COX19: variants seen among roughly 807,000 people sequenced by gnomAD.
The protein encoded by COX19 is cytochrome c oxidase assembly protein COX19.
COX19 carries 8 observed loss-of-function variants against 6.8 expected under a neutral mutation model. The ratio of observed to expected loss-of-function variants is 1.18; its 90% CI spans 0.69 to 2.12. COX19 has a LOEUF of 2.12. COX19 is among the 30% of genes most tolerant of loss of function. The probability of loss-of-function intolerance (pLI) is 0.00; values close to 1 mark genes in which losing one functional copy is unlikely to be tolerated. For missense variants in COX19, 131 were observed against 104.6 expected, an observed-to-expected ratio of 1.25 and a Z score of -1.10; for synonymous variants, 51 against 38.0, an observed-to-expected ratio of 1.34 and a Z score of -1.26.
rs1316307758 is a variant in COX19, at chr7:965,150, C to T, written c.*4228G>A. On this transcript the variant is annotated 3_prime_UTR_variant, in exon 3 of 3. Coordinates refer to ENST00000344111, the MANE Select transcript of COX19 (RefSeq NM_001031617.3). ...TGTGACCTGCTGAAACCATTCATGCCGGCATCATGCCTATTGGAAACTCTT... is the reference window on the plus strand; with the variant it reads ...TGTGACCTGCTGAAACCATTCATGCTGGCATCATGCCTATTGGAAACTCTT... Among the ~76,000 whole-genome samples the T allele has an allele frequency of 7.9e-5, 12 of 152,090 alleles. No homozygotes were observed. The highest frequency in any genetic ancestry group is 1.6e-4 in the Non-Finnish European group (11 of 68,040).
In COX19 at chr7:968,600, T is replaced by C. The variant is rs1208460704; in HGVS notation, c.*778A>G. 2 of 152,208 alleles carry C rather than the reference T, an allele frequency of 1.3e-5. No homozygotes were observed. Among genetic ancestry groups the C allele is most frequent in the African/African-American group, 4.8e-5 (2 of 41,446 alleles). The allele number at this position is 152,208 out of a possible 1,614,324, so 9.4% of individuals were successfully genotyped here. ...GGGTTTCCGTGACCCACAGGCAACT[T>C]TGGCACAGACGGGCTGAGAACTCCG... is the stretch of plus-strand genomic sequence containing the variant. On this transcript the variant is annotated 3_prime_UTR_variant, in exon 3 of 3. Coordinates refer to ENST00000344111, the MANE Select transcript of COX19 (RefSeq NM_001031617.3).
chr7:974,325 G>A lies in COX19; in HGVS notation c.83-1033C>T, dbSNP rs147495681. ...TAGTCCCAGCTACTCTAGAGGATGA[G>A]ACGGGAGACTCCCCTGAGTCCAGAA... On this transcript the variant is annotated intron_variant, in intron 1 of 2. Transcript: ENST00000344111. 1.9e-3 allele frequency among the ~76,000 whole-genome samples: 284 copies of A among 151,690 alleles called. 1 individual carries two copies. Among genetic ancestry groups the A allele is most frequent in the African/African-American group, 6.3e-3 (262 of 41,280 alleles).
At chr7:973,014 A>G (rs780527500) in intron 2 of COX19, 167 bp downstream of exon 2, 29 of 407,900 alleles carry the variant, frequency 7.1e-5, no homozygotes, top group Non-Finnish European at 1.2e-4. Flanking sequence ...TTTTGGTACA[A>G]TTTCATCTGA....
intron 2 of COX19, 24 bp from the exon 3 acceptor site, chr7:969,480 C>T: frequency 6.6e-7 from 1 of 1,518,062 alleles, no homozygotes; most frequent in Non-Finnish European, 9.1e-7. Context: ...AGAAAGCTGT[C>T]AGGGCGGGAG....
chr7:969,941 C>T (rs572812791), intron 2 of COX19, among the ~76,000 whole-genome samples: 10 of 149,418 alleles, frequency 6.7e-5, no homozygotes, highest in Non-Finnish European at 1.5e-4. Flanking sequence ...AGACTCAGGT[C>T]GACAGTTATC....
chr7:973,703 C>T (rs973729128), intron 1 of COX19, among the ~76,000 whole-genome samples: 3 of 150,190 alleles, frequency 2.0e-5, no homozygotes, highest in Admixed American at 6.6e-5. Context: ...CGGTGGCTCA[C>T]GCCTGTAATC....
At chr7:971,160 G>C (rs983101241) in intron 2 of COX19, among the ~76,000 whole-genome samples, 2 of 152,202 alleles carry the variant, frequency 1.3e-5, no homozygotes, top group Non-Finnish European at 2.9e-5. Context: ...GTGTCTGTGT[G>C]ACACCCGGTG....
chr7:969,643 T>A (rs1474990774), intron 2 of COX19, among the ~76,000 whole-genome samples, 187 bp from the exon 3 acceptor site: 1 of 151,920 alleles, frequency 6.6e-6, no homozygotes, highest in Non-Finnish European at 1.5e-5. Flanking sequence ...AACAGGACAA[T>A]GAGGACATGA....
In COX19 at chr7:969,350, C is replaced by T. The variant is rs376965711; in HGVS notation, c.*28G>A. On this transcript the variant is annotated 3_prime_UTR_variant, in exon 3 of 3. Transcript: ENST00000344111. ...CCCTCCGTCCTGAGAGACCACTGAA[C>T]ACGGCCCAGGGGTCTTCTCATCAAA... The T allele has an allele frequency of 7.3e-5, 107 of 1,460,110 alleles. No individual in the cohort carries two copies. Among genetic ancestry groups the T allele is most frequent in the Non-Finnish European group, 9.8e-5 (102 of 1,040,110 alleles). 90.4% of individuals were successfully genotyped at this position (1,460,110 alleles called of 1,614,324 possible). A position where few individuals can be genotyped will look rare whatever the true frequency, so the allele number is the denominator to read the frequency against.
intron 2 of COX19, 187 bp downstream of exon 2, chr7:972,994 G>A: frequency 2.6e-6 from 1 of 380,040 alleles, no homozygotes; most frequent in Admixed American, 4.6e-5. Context: ...TCCCAAGATT[G>A]TGAAACAGCT....
In COX19 at chr7:975,526, T is replaced by C; in HGVS notation, c.-17A>G. On this transcript the variant is annotated 5_prime_UTR_variant, in exon 1 of 3. Coordinates refer to ENST00000344111, the MANE Select transcript of COX19 (RefSeq NM_001031617.3). ...GGTCGACATGTTGGCGACTCCGGAGTCTGCGAGCGCCTTGCGAGCGTACGC... is the reference window on the plus strand; with the variant it reads ...GGTCGACATGTTGGCGACTCCGGAGCCTGCGAGCGCCTTGCGAGCGTACGC... 6.3e-7 allele frequency: 1 copy of C among 1,596,124 alleles called. No homozygotes were observed. The highest frequency in any genetic ancestry group is 1.1e-5 in the South Asian group (1 of 89,024).
chr7:971,154 C>G (rs1847629666), intron 2 of COX19, among the ~76,000 whole-genome samples: 1 of 152,330 alleles, frequency 6.6e-6, no homozygotes, highest in South Asian at 2.1e-4. Flanking sequence ...ACCAGCGTGT[C>G]TGTGTGACAC....
chr7:970,995 T>A (rs1847626802), intron 2 of COX19, among the ~76,000 whole-genome samples: 1 of 152,154 alleles, frequency 6.6e-6, no homozygotes, highest in Admixed American at 6.5e-5. Flanking sequence ...TCATGTGAAC[T>A]CACACATGGT....
chr7:967,838 T>C lies in COX19; in HGVS notation c.*1540A>G, dbSNP rs1033121012. On this transcript the variant is annotated 3_prime_UTR_variant, in exon 3 of 3. Transcript: ENST00000344111. ...TCCACTTCACAGTAAGCTCACGCCA[T>C]ATAGCCGCACTGCGTTGGCGAGCTC... 6.6e-6 allele frequency: 1 copy of C among 152,306 alleles called. No individual in the cohort carries two copies. The highest frequency in any genetic ancestry group is 1.5e-5 in the Non-Finnish European group (1 of 68,058). 9.4% of individuals were successfully genotyped at this position (152,306 alleles called of 1,614,324 possible).
At chr7:975,245 C>G (rs1847688744) in intron 1 of COX19, 183 bp downstream of exon 1, 1 of 474,718 alleles carries the variant, frequency 2.1e-6, no homozygotes, top group Non-Finnish European at 3.7e-6. Flanking sequence ...CCTGCCAGCT[C>G]CCACCTGCAG....
In COX19 at chr7:965,682, C is replaced by T. The variant is rs1490443717; in HGVS notation, c.*3696G>A. ...TTTTTTTTTGAGACGGTTCTGTCGC[C>T]CAGGCTGGAGTGTGGTGGCACAATC... On this transcript the variant is annotated 3_prime_UTR_variant, in exon 3 of 3. Coordinates refer to ENST00000344111, the MANE Select transcript of COX19 (RefSeq NM_001031617.3). 6.6e-6 allele frequency among the ~76,000 whole-genome samples: 1 copy of T among 152,182 alleles called. No individual in the cohort carries two copies. Among genetic ancestry groups the T allele is most frequent in the Non-Finnish European group, 1.5e-5 (1 of 68,034 alleles).
chr7:970,178 A>G (rs376284295), intron 2 of COX19, among the ~76,000 whole-genome samples: 1 of 152,058 alleles, frequency 6.6e-6, no homozygotes, highest in African/African-American at 2.4e-5. Flanking sequence ...TCTATTGCCC[A>G]GGCTGGAGTG....
At position 969,330 on chromosome 7, in the gene COX19, C is replaced by T. The variant is rs2293521; in HGVS notation, c.*48G>A. The T allele has an allele frequency of 0.021, 25,616 of 1,192,170 alleles. 1,566 individuals are homozygous for T. The East Asian group carries it at 0.24, about 11-fold the overall frequency. The allele number at this position is 1,192,170 out of a possible 1,614,324, so 73.8% of individuals were successfully genotyped here. A position where few individuals can be genotyped will look rare whatever the true frequency, so the allele number is the denominator to read the frequency against. The stretch of plus-strand genomic sequence containing the variant: ...ACCTAAGAGGCAGGATGATGCCCTC[C>T]GTCCTGAGAGACCACTGAACACGGC... On this transcript the variant is annotated 3_prime_UTR_variant, in exon 3 of 3. Transcript: ENST00000344111.
At chr7:972,909 C>A in intron 2 of COX19, 1 of 221,166 alleles carries the variant, frequency 4.5e-6, no homozygotes, top group East Asian at 9.3e-5. Context: ...AATGACAGGT[C>A]GGTAGCAACC....
Sources: gnomAD v4.1 joint callset for allele counts (sites outside exome capture counted in the v4.1 genomes callset) on GRCh38, gnomAD v4.1.1 for gene constraint, MANE v1.5 for transcripts, NCBI Gene and HGNC (gene_info 2026-07-23, HGNC 2026-07-21) for gene names.